The following PPP4R1 variants were observed in gnomAD, a reference collection of about 807,000 sequenced individuals.
PPP4R1 encodes the protein protein phosphatase 4 regulatory subunit 1.
Under a neutral mutation model 111.2 loss-of-function variants are expected in PPP4R1, and 42 were observed. The observed-to-expected ratio is 0.38, with a 90% confidence interval of 0.29 to 0.49. PPP4R1 has a LOEUF of 0.49. Among genes scored for constraint, PPP4R1 ranks in the 20% least tolerant of loss-of-function variants. The pLI is 0.97. For synonymous variants in PPP4R1, 409 were observed against 405.5 expected (o/e 1.01, Z -0.10); for missense variants, 1,012 against 1,161.6 (o/e 0.87, Z 1.87).
At chr18:9,604,456 G>C (rs1175099562) in intron 2 of PPP4R1, among the ~76,000 whole-genome samples, 1 of 152,090 alleles carries the variant, frequency 6.6e-6, no homozygotes, top group East Asian at 1.9e-4. Flanking sequence ...AGGGTGTCCA[G>C]GATCTGGCCC....
intron 4 of PPP4R1, among the ~76,000 whole-genome samples, chr18:9,589,344 T>A (rs2067173331): frequency 6.6e-6 from 1 of 152,166 alleles, no homozygotes; most frequent in South Asian, 2.1e-4. Flanking sequence ...AAATTAAAGA[T>A]GACAAATATT....
intron 13 of PPP4R1, among the ~76,000 whole-genome samples, chr18:9,559,981 T>G (rs534447069): frequency 6.6e-6 from 1 of 152,114 alleles, no homozygotes; most frequent in Non-Finnish European, 1.5e-5. Context: ...TCTGCGTGAT[T>G]TGCAACATGT....
In PPP4R1 at chr18:9,609,979, T is replaced by G. The variant is rs535064291; in HGVS notation, c.52+4247A>C. Among the ~76,000 whole-genome samples the G allele has an allele frequency of 1.2e-4, 19 of 152,370 alleles. No individual in the cohort carries two copies. In the South Asian group the frequency reaches 3.9e-3, roughly 32 times the overall value. On this transcript the variant is annotated intron_variant, in intron 2 of 19. Coordinates refer to ENST00000400556, the MANE Select transcript of PPP4R1 (RefSeq NM_001042388.3). ...TACCACAGCCTACACATCACAGGAC[T>G]GCTGTGAAGAATAACCTGTGTATGA...
chr18:9,562,946 T>C, intron 12 of PPP4R1: 1 of 995,894 alleles, frequency 1.0e-6, no homozygotes, highest in Non-Finnish European at 1.2e-6. Flanking sequence ...GTCCAGATAA[T>C]GTCACTGGCC....
intron 11 of PPP4R1, among the ~76,000 whole-genome samples, chr18:9,568,254 G>A (rs1282761970): frequency 6.6e-6 from 1 of 152,084 alleles, no homozygotes; most frequent in Admixed American, 6.6e-5. Context: ...CAAACTCTTG[G>A]CCTTAAGCTA....
rs1259821265 is a variant in PPP4R1, at chr18:9,614,344, T to TC, written c.8-75dup. ...GCGCGACGCCCCCCCCCCGCCCGCC[T>TC]CCCCCCCGCCCCGGGGGCGCCTTCC... On this transcript the variant is annotated intron_variant, in intron 1 of 19. Transcript: ENST00000400556. This position sits in a 1 kb window ranked among gnomAD's most constrained non-coding sequence, Gnocchi z 4.1. The TC allele has an allele frequency of 1.1e-5, 7 of 636,396 alleles. No homozygotes were observed. The highest frequency in any genetic ancestry group is 9.1e-5 in the African/African-American group (2 of 21,924). 39.4% of individuals were successfully genotyped at this position (636,396 alleles called of 1,614,324 possible). A position where few individuals can be genotyped will look rare whatever the true frequency, so the allele number is the denominator to read the frequency against.
chr18:9,601,215 T>TGGG (rs201754125), intron 2 of PPP4R1, among the ~76,000 whole-genome samples: 2 of 130,236 alleles, frequency 1.5e-5, no homozygotes, highest in Non-Finnish European at 3.1e-5. Context: ...TTTTTTTTTT[T>TGGG]GGGGAAAAAA....
intron 11 of PPP4R1, among the ~76,000 whole-genome samples, 170 bp downstream of exon 11, chr18:9,569,987 T>C (rs750081984): frequency 2.0e-5 from 3 of 152,166 alleles, no homozygotes; most frequent in Non-Finnish European, 4.4e-5. Flanking sequence ...TGGTCTCAAG[T>C]GATCCTCCTG....
chr18:9,583,423 G>C, intron 8 of PPP4R1, 148 bp from the exon 9 acceptor site: 1 of 811,176 alleles, frequency 1.2e-6, no homozygotes, highest in Middle Eastern at 2.9e-4. Context: ...CTGGAGTGAG[G>C]TGGTGCGATC....
chr18:9,590,110 T>C (rs1006189675), intron 4 of PPP4R1: 4 of 152,174 alleles, frequency 2.6e-5, no homozygotes, highest in Admixed American at 1.3e-4. Flanking sequence ...TGATGGATTA[T>C]CAGTAACAAG....
intron 11 of PPP4R1, among the ~76,000 whole-genome samples, chr18:9,569,463 T>A (rs1279597828): frequency 6.6e-6 from 1 of 152,128 alleles, no homozygotes; most frequent in Non-Finnish European, 1.5e-5. Flanking sequence ...CGTGTACTGC[T>A]ATCTTATAAA....
intron 11 of PPP4R1, among the ~76,000 whole-genome samples, chr18:9,564,743 T>G: frequency 2.8e-5 from 4 of 141,360 alleles, no homozygotes; most frequent in African/African-American, 1.1e-4. Flanking sequence ...TGTGTGGGGG[T>G]ATCATCCCCC....
intron 12 of PPP4R1, 83 bp from the exon 13 acceptor site, chr18:9,562,158 C>G (rs542567363): frequency 2.1e-5 from 21 of 1,015,246 alleles, no homozygotes; most frequent in Non-Finnish European, 3.0e-5. Flanking sequence ...ACTTACCTTT[C>G]AAGACTGCCA....
At chr18:9,587,394 C>CTTTTTTTTTTTTT (rs1248373958) in intron 6 of PPP4R1, 16 of 129,636 alleles carry the variant, frequency 1.2e-4, no homozygotes, top group East Asian at 2.2e-4. Context: ...TTCTTTCTTT[C>CTTTTTTTTTTTTT]TTTTTTTTTT....
intron 2 of PPP4R1, among the ~76,000 whole-genome samples, chr18:9,601,578 C>T (rs952055132): frequency 4.6e-5 from 7 of 152,018 alleles, no homozygotes; most frequent in African/African-American, 1.7e-4. Context: ...CTGCAACCTC[C>T]GCCTCCCAGG....
intron 2 of PPP4R1, among the ~76,000 whole-genome samples, chr18:9,604,127 A>T (rs2067439139): frequency 6.6e-6 from 1 of 152,336 alleles, no homozygotes; most frequent in Non-Finnish European, 1.5e-5. Flanking sequence ...GCAAATATGG[A>T]AATTTTATGG....
chr18:9,557,617 T>C (rs565854977), intron 14 of PPP4R1, among the ~76,000 whole-genome samples: 54 of 152,352 alleles, frequency 3.5e-4, no homozygotes, highest in African/African-American at 1.3e-3. Flanking sequence ...AGAAAATGCT[T>C]AGCAATCGTG....
intron 6 of PPP4R1, among the ~76,000 whole-genome samples, chr18:9,585,288 C>T (rs146851549): frequency 1.4e-3 from 207 of 152,260 alleles, no homozygotes; most frequent in African/African-American, 4.8e-3. Flanking sequence ...ATTCAGTCCT[C>T]GCCTTGCAAA....
At chr18:9,610,183 T>C (rs1025765565) in intron 2 of PPP4R1, among the ~76,000 whole-genome samples, 1 of 152,232 alleles carries the variant, frequency 6.6e-6, no homozygotes, top group African/African-American at 2.4e-5. Context: ...ATCTACCAAC[T>C]TAAATGTGAA....
Sources: gnomAD v4.1 joint callset for allele counts (sites outside exome capture counted in the v4.1 genomes callset) on GRCh38, gnomAD v4.1.1 for gene constraint, Gnocchi (gnomAD v3.1) non-coding constraint, MANE v1.5 for transcripts, NCBI Gene and HGNC (gene_info 2026-07-23, HGNC 2026-07-21) for gene names.